The following JAZF1 variants were observed in gnomAD, a reference collection of about 807,000 sequenced individuals.
JAZF1 encodes JAZF zinc finger 1.
JAZF1 carries 8 observed loss-of-function variants against 26.4 expected under a neutral mutation model. The ratio of observed to expected loss-of-function variants is 0.30; its 90% CI spans 0.18 to 0.55. The LOEUF is 0.55. Among genes scored for constraint, JAZF1 ranks in the 20% least tolerant of loss-of-function variants. JAZF1 has a pLI of 0.94. For missense variants in JAZF1, 199 were observed against 322.0 expected (o/e 0.62, Z 2.92); for synonymous variants, 126 against 122.3 (o/e 1.03, Z -0.20).
intron 1 of JAZF1, among the ~76,000 whole-genome samples, chr7:28,101,576 TAAAAAAA>T (rs56321937): frequency 2.0e-5 from 2 of 97,996 alleles, no homozygotes; most frequent in South Asian, 3.9e-4. Flanking sequence ...ATTTCTATAT[TAAAAAAA>T]AAAAAAAAAA....
chr7:28,158,918 GC>G (rs1783234510), intron 1 of JAZF1, among the ~76,000 whole-genome samples: 1 of 152,138 alleles, frequency 6.6e-6, no homozygotes, highest in Non-Finnish European at 1.5e-5. Flanking sequence ...CCTTGGACCA[GC>G]CTTCCCTGAC....
At chr7:28,148,505 A>G (rs1783061510) in intron 1 of JAZF1, among the ~76,000 whole-genome samples, 1 of 152,196 alleles carries the variant, frequency 6.6e-6, no homozygotes, top group African/African-American at 2.4e-5. Context: ...TTGCTATTGT[A>G]AATAGACTCC....
intron 3 of JAZF1, among the ~76,000 whole-genome samples, chr7:27,863,686 G>GA (rs1280081464): frequency 6.6e-6 from 1 of 152,206 alleles, no homozygotes; most frequent in Non-Finnish European, 1.5e-5. Context: ...ATTTGTTGAA[G>GA]AAATAAATCA....
intron 1 of JAZF1, chr7:27,992,185 C>T (rs1024348592): frequency 6.3e-6 from 4 of 634,946 alleles, no homozygotes; most frequent in Non-Finnish European, 1.2e-5. Flanking sequence ...AAGGGAATTC[C>T]AAACATCAAC....
intron 2 of JAZF1, among the ~76,000 whole-genome samples, chr7:27,934,029 G>A (rs1784726763): frequency 6.6e-6 from 1 of 152,180 alleles, no homozygotes; most frequent in African/African-American, 2.4e-5. Flanking sequence ...CCACTTGAAA[G>A]TTTTACTTTT....
chr7:27,841,372 G>A (rs1782918815), intron 3 of JAZF1: 1 of 152,578 alleles, frequency 6.6e-6, no homozygotes, highest in Non-Finnish European at 1.5e-5. Flanking sequence ...TCAGTGGAAT[G>A]AATTTCAGGT....
At chr7:28,119,967 C>G (rs1376687117) in intron 1 of JAZF1, among the ~76,000 whole-genome samples, 1 of 152,124 alleles carries the variant, frequency 6.6e-6, no homozygotes, top group Admixed American at 6.5e-5. Context: ...CAAGCCCCTA[C>G]CATGTGTTAG....
rs551347155 is a variant in JAZF1, at chr7:27,967,621, A to G, written c.188+24288T>C. Among the ~76,000 whole-genome samples, 5 of 152,350 alleles carry G rather than the reference A, an allele frequency of 3.3e-5. No individual in the cohort carries two copies. In the East Asian group the frequency reaches 9.6e-4, roughly 29 times the overall value. ...AAGTTCCTCTAATGCAATTTTACAC[A>G]TATGTGTGGATAAACACTTGAAGGG... On this transcript the variant is annotated intron_variant, in intron 2 of 4. Coordinates refer to ENST00000283928, the MANE Select transcript of JAZF1 (RefSeq NM_175061.4).
intron 2 of JAZF1, among the ~76,000 whole-genome samples, chr7:27,914,361 C>T (rs551863815): frequency 6.6e-6 from 1 of 152,204 alleles, no homozygotes; most frequent in South Asian, 2.1e-4. Context: ...AATTCTAAAG[C>T]CAACTGTGGG....
At chr7:28,124,160 T>A (rs1307153374) in intron 1 of JAZF1, among the ~76,000 whole-genome samples, 1 of 151,940 alleles carries the variant, frequency 6.6e-6, no homozygotes, top group African/African-American at 2.4e-5. Flanking sequence ...TGGGCCCTAA[T>A]CCAATCTGAT....
intron 1 of JAZF1, among the ~76,000 whole-genome samples, chr7:28,077,143 G>T (rs974214679): frequency 6.6e-6 from 1 of 152,090 alleles, no homozygotes; most frequent in Non-Finnish European, 1.5e-5. Flanking sequence ...TATAACACCG[G>T]CACTTTACAA....
chr7:27,937,054 T>C lies in JAZF1; in HGVS notation c.189-41638A>G, dbSNP rs1466539933. ...GCATTGTACTCATCCTTAGATTTTC[T>C]TGTGAGGCTTTGCCAACAGTGTTAG... On this transcript the variant is annotated intron_variant, in intron 2 of 4. Coordinates refer to ENST00000283928, the MANE Select transcript of JAZF1 (RefSeq NM_175061.4). Among the ~76,000 whole-genome samples the C allele has an allele frequency of 3.3e-5, 5 of 152,352 alleles. No homozygotes were observed. In the East Asian group the frequency reaches 9.6e-4, roughly 29 times the overall value.
intron 1 of JAZF1, among the ~76,000 whole-genome samples, chr7:28,018,556 A>G (rs80057810): frequency 0.032 from 4,839 of 152,256 alleles, 94 homozygotes; most frequent in South Asian, 0.081. Flanking sequence ...TTCACTCTCC[A>G]AAGTGTTGCA....
At chr7:27,872,079 A>G (rs1194967572) in intron 3 of JAZF1, among the ~76,000 whole-genome samples, 1 of 152,196 alleles carries the variant, frequency 6.6e-6, no homozygotes, top group African/African-American at 2.4e-5. Context: ...GTCATTCTGC[A>G]TTCTCACATA....
chr7:28,133,602 C>G (rs1782833686), intron 1 of JAZF1, among the ~76,000 whole-genome samples: 1 of 152,240 alleles, frequency 6.6e-6, no homozygotes, highest in Non-Finnish European at 1.5e-5. Flanking sequence ...CAGGCTTCCA[C>G]TTGAGATAAA....
chr7:28,177,291 T>C (rs1783563561), intron 1 of JAZF1, among the ~76,000 whole-genome samples: 1 of 152,272 alleles, frequency 6.6e-6, no homozygotes, highest in East Asian at 1.9e-4. Flanking sequence ...AAAATCACAC[T>C]TCCCTTGGTT....
At position 28,081,622 on chromosome 7, in the gene JAZF1, C is replaced by T. The variant is rs190258117; in HGVS notation, c.116-89641G>A. 2.6e-3 allele frequency among the ~76,000 whole-genome samples: 389 copies of T among 152,290 alleles called. 2 individuals carry two copies. The highest frequency in any genetic ancestry group is 8.9e-3 in the African/African-American group (370 of 41,554). Reference sequence around the variant, plus strand: ...GCATTGTAGCGGCCTCTGCTCCACCCTTTCCCCTTGTCCAGAAGCCTCGAC... The same window carrying T: ...GCATTGTAGCGGCCTCTGCTCCACCTTTTCCCCTTGTCCAGAAGCCTCGAC... On this transcript the variant is annotated intron_variant, in intron 1 of 4. Coordinates refer to ENST00000283928, the MANE Select transcript of JAZF1 (RefSeq NM_175061.4).
intron 4 of JAZF1, among the ~76,000 whole-genome samples, chr7:27,839,419 C>G (rs1782880599): frequency 1.3e-5 from 2 of 152,232 alleles, no homozygotes; most frequent in Non-Finnish European, 2.9e-5. Flanking sequence ...CAATGAAGCG[C>G]TGCCCTCTGG....
intron 1 of JAZF1, among the ~76,000 whole-genome samples, chr7:28,093,665 GGCGGC>G (rs1784337471): frequency 6.6e-6 from 1 of 152,196 alleles, no homozygotes; most frequent in Admixed American, 6.5e-5. Flanking sequence ...AGCTCTCTCA[GGCGGC>G]GCGTTCACTG....
Sources: gnomAD v4.1 joint callset for allele counts (sites outside exome capture counted in the v4.1 genomes callset) on GRCh38, gnomAD v4.1.1 for gene constraint, MANE v1.5 for transcripts, NCBI Gene and HGNC (gene_info 2026-07-23, HGNC 2026-07-21) for gene names.